Variants in NAA16 observed in about 807,000 individuals in gnomAD.
The protein encoded by NAA16 is N-alpha-acetyltransferase 16, NatA auxiliary subunit, also known as NARG1-like protein.
A neutral mutation model predicts 110.3 loss-of-function variants in NAA16; 97 were observed. The ratio of observed to expected loss-of-function variants is 0.88; its 90% confidence interval spans 0.75 to 1.04. The LOEUF (loss-of-function observed/expected upper bound fraction) is 1.04, where lower values mean the gene tolerates loss of function less well. Among genes scored for constraint, NAA16 ranks in the 50% least tolerant of loss-of-function variants. The pLI is 0.00. For missense variants in NAA16, 1,017 were observed against 1,005.1 expected (o/e 1.01, Z -0.16); for synonymous variants, 372 against 330.6 (o/e 1.13, Z -1.36).
intron 1 of NAA16, among the ~76,000 whole-genome samples, chr13:41,314,504 C>G (rs1171861668): frequency 1.3e-5 from 2 of 152,162 alleles, no homozygotes; most frequent in African/African-American, 4.8e-5. Flanking sequence ...GTTCCCTTCC[C>G]CAGAGGCTGT....
At chr13:41,346,237 C>G (rs4942035) in intron 9 of NAA16, among the ~76,000 whole-genome samples, 144,298 of 152,334 alleles carry the variant, frequency 0.95, 68,413 homozygotes, top group South Asian at 0.99. Flanking sequence ...TGAAGAGACT[C>G]TTCTTTCCCT....
intron 17 of NAA16, chr13:41,373,294 G>A (rs1566305337): frequency 1.1e-5 from 7 of 653,708 alleles, no homozygotes; most frequent in East Asian, 2.7e-4. Flanking sequence ...GTCTTGCTCT[G>A]TTGTCTAGGC....
chr13:41,314,098 A>G (rs1472533885), intron 1 of NAA16, among the ~76,000 whole-genome samples: 4 of 152,286 alleles, frequency 2.6e-5, no homozygotes, highest in Non-Finnish European at 4.4e-5. Context: ...CTCTATAACT[A>G]TGCCTCAGTT....
chr13:41,312,321 T>C (rs2041635330), intron 1 of NAA16, among the ~76,000 whole-genome samples: 1 of 152,178 alleles, frequency 6.6e-6, no homozygotes, highest in African/African-American at 2.4e-5. Context: ...GGGAGCATTT[T>C]TACTTTATCG....
At chr13:41,320,951 C>A in intron 4 of NAA16, 127 bp downstream of exon 4, 1 of 748,564 alleles carries the variant, frequency 1.3e-6, no homozygotes, top group Non-Finnish European at 2.0e-6. Context: ...AGGTGTATGT[C>A]GCTTGGGACC....
Position 41,376,454 on chromosome 13 carries a change from A to G in NAA16, c.*852A>G, listed in dbSNP as rs1471514051. 1.3e-5 allele frequency: 2 copies of G among 152,174 alleles called. No individual in the cohort carries two copies. The highest frequency in any genetic ancestry group is 4.8e-5 in the African/African-American group (2 of 41,438). 9.4% of individuals were successfully genotyped at this position (152,174 alleles called of 1,614,324 possible). A position where few individuals can be genotyped will look rare whatever the true frequency, so the allele number is the denominator to read the frequency against. ...CTAGTTTTATGTAGATGATTTCAGA[A>G]TGTGAAGGCTGGTTTGCCTGTCAGT... is the stretch of plus-strand genomic sequence containing the variant. On this transcript the variant is annotated 3_prime_UTR_variant, in exon 20 of 20. Coordinates refer to ENST00000379406, the MANE Select transcript of NAA16 (RefSeq NM_024561.5).
At chr13:41,328,467 A>G (rs777776047) in intron 6 of NAA16, among the ~76,000 whole-genome samples, 5 of 152,112 alleles carry the variant, frequency 3.3e-5, no homozygotes, top group Non-Finnish European at 7.4e-5. Context: ...GTGTAATGCA[A>G]AAGTTTTTTT....
intron 15 of NAA16, among the ~76,000 whole-genome samples, chr13:41,370,451 A>G (rs1339128258): frequency 1.3e-5 from 2 of 152,220 alleles, no homozygotes; most frequent in East Asian, 1.9e-4. Flanking sequence ...TAACTGTACC[A>G]TTTTGTGCAA....
intron 9 of NAA16, among the ~76,000 whole-genome samples, chr13:41,347,765 A>G (rs1039375318): frequency 6.6e-6 from 1 of 152,170 alleles, no homozygotes; most frequent in Admixed American, 6.5e-5. Flanking sequence ...AGGATTTTCT[A>G]TGTGCAACAT....
intron 9 of NAA16, among the ~76,000 whole-genome samples, chr13:41,344,446 T>C (rs956478682): frequency 2.6e-5 from 4 of 152,176 alleles, no homozygotes; most frequent in African/African-American, 9.7e-5. Context: ...GGGGAGTGGA[T>C]TTTTTCCCCT....
In NAA16 at chr13:41,311,580, TTGGTGAGTG is replaced by T. The variant is rs2041561247; in HGVS notation, c.53_54+7del. ...GGAGAGCAACCTCTTCAAACGCATC[TTGGTGAGTG>T]GCCGTAGGCCGCGCTGCCGCCCCCC... On this transcript the variant is annotated splice_donor_variant and splice_donor_5th_base_variant and coding_sequence_variant and intron_variant, in exon 1 of 20. Transcript: ENST00000379406. LOFTEE classifies it high-confidence loss of function. 6.2e-7 allele frequency: 1 copy of T among 1,607,256 alleles called. No homozygotes were observed. The highest frequency in any genetic ancestry group is 8.5e-7 in the Non-Finnish European group (1 of 1,177,336).
chr13:41,377,005 T>C lies in NAA16; in HGVS notation c.*1403T>C, dbSNP rs1254013414. The C allele has an allele frequency of 1.3e-5, 2 of 152,218 alleles. No individual in the cohort carries two copies. The highest frequency in any genetic ancestry group is 1.9e-4 in the East Asian group (1 of 5,204). 9.4% of individuals were successfully genotyped at this position (152,218 alleles called of 1,614,324 possible). A position where few individuals can be genotyped will look rare whatever the true frequency, so the allele number is the denominator to read the frequency against. ...AAAATAATGCCAACCTAGATAATGC[T>C]ATAATAAATTATTTTGTACACAGTT... On this transcript the variant is annotated 3_prime_UTR_variant, in exon 20 of 20. Transcript: ENST00000379406.
At chr13:41,333,974 A>G (rs1025625543) in intron 8 of NAA16, among the ~76,000 whole-genome samples, 4 of 152,108 alleles carry the variant, frequency 2.6e-5, no homozygotes, top group African/African-American at 9.7e-5. Context: ...CTGATGGCAT[A>G]GGCTTTCAAG....
Position 41,313,624 on chromosome 13 carries a change from G to A in NAA16, c.54+2042G>A, listed in dbSNP as rs2041716126. 2.0e-5 allele frequency among the ~76,000 whole-genome samples: 3 copies of A among 152,284 alleles called. No homozygotes were observed. The South Asian group carries it at 6.2e-4, about 32-fold the overall frequency. ...CACATCCACACAAACTGACCAGCTG[G>A]TTTTTTACGTGTTCCACGTGGCTTG... On this transcript the variant is annotated intron_variant, in intron 1 of 19. Transcript: ENST00000379406.
intron 9 of NAA16, among the ~76,000 whole-genome samples, chr13:41,342,182 G>T (rs2042569504): frequency 6.6e-6 from 1 of 150,656 alleles, no homozygotes; most frequent in Non-Finnish European, 1.5e-5. Flanking sequence ...CTGCCGCCCA[G>T]GCTGGAGTGC....
At chr13:41,348,934 T>TGTCA (rs1301485598) in intron 9 of NAA16, among the ~76,000 whole-genome samples, 5 of 152,226 alleles carry the variant, frequency 3.3e-5, no homozygotes, top group African/African-American at 9.6e-5. Context: ...GGCATATGCG[T>TGTCA]GTCATAGTCT....
At chr13:41,313,971 C>G (rs1170921304) in intron 1 of NAA16, among the ~76,000 whole-genome samples, 1 of 151,986 alleles carries the variant, frequency 6.6e-6, no homozygotes, top group East Asian at 1.9e-4. Context: ...ATTCTCGTGC[C>G]TCAGCCTCCT....
At position 41,328,841 on chromosome 13, in the gene NAA16, TTAG is replaced by T; in HGVS notation, c.811+1_811+3del. 1 of 1,595,550 alleles carries T rather than the reference TTAG, an allele frequency of 6.3e-7. No homozygotes were observed. The highest frequency in any genetic ancestry group is 1.3e-5 in the African/African-American group (1 of 74,618). ...GAAGGCTTGGAAAAAGCTCTACAAA[TTAG>T]TATGTAATGATTTTTCTCCTCTTTC... On this transcript the variant is annotated splice_donor_variant and coding_sequence_variant, in exon 7 of 20. Transcript: ENST00000379406. LOFTEE classifies it high-confidence loss of function.
In NAA16 at chr13:41,314,385, GTCAAAC is replaced by G. The variant is rs375857603; in HGVS notation, c.55-2457_55-2452del. Among the ~76,000 whole-genome samples, 98 of 152,162 alleles carry G rather than the reference GTCAAAC, an allele frequency of 6.4e-4. 1 individual carries two copies. The highest frequency in any genetic ancestry group is 2.1e-3 in the African/African-American group (86 of 41,514). On this transcript the variant is annotated intron_variant, in intron 1 of 19. Coordinates refer to ENST00000379406, the MANE Select transcript of NAA16 (RefSeq NM_024561.5). ...TTGTCATTTGTGAGACAGACTTGTA[GTCAAAC>G]TCAGATTGTCATTTTTTATTTTAAA...
Sources: gnomAD v4.1 joint callset for allele counts (sites outside exome capture counted in the v4.1 genomes callset) on GRCh38, gnomAD v4.1.1 for gene constraint, MANE v1.5 for transcripts, NCBI Gene and HGNC (gene_info 2026-07-23, HGNC 2026-07-21) for gene names.